Variants in COL14A1 observed in about 807,000 individuals in gnomAD.
The protein encoded by COL14A1 is collagen type XIV alpha 1 chain, also known as collagen alpha-1(XIV) chain.
COL14A1 carries 136 observed loss-of-function variants against 230.3 expected under a neutral mutation model. The observed-to-expected ratio is 0.59, with a 90% CI of 0.51 to 0.68. The LOEUF is 0.68. Among genes scored for constraint, COL14A1 ranks in the 30% least tolerant of loss-of-function variants. COL14A1 has a pLI of 0.00. For missense variants in COL14A1, 1,976 were observed against 2,215.8 expected (o/e 0.89, Z 2.17); for synonymous variants, 792 against 784.1 (o/e 1.01, Z -0.17).
intron 42 of COL14A1, among the ~76,000 whole-genome samples, chr8:120,334,026 G>C (rs1291023480): frequency 6.6e-6 from 1 of 152,200 alleles, no homozygotes; most frequent in Non-Finnish European, 1.5e-5. Context: ...ATATTCACAG[G>C]TTCTGGGGAT....
At chr8:120,330,412 A>G (rs1261222013) in intron 40 of COL14A1, among the ~76,000 whole-genome samples, 2 of 152,222 alleles carry the variant, frequency 1.3e-5, no homozygotes, top group African/African-American at 2.4e-5. Flanking sequence ...ACAGTTTCAC[A>G]TGGCTGGGGA....
chr8:120,332,080 GC>G (rs1204220959), intron 40 of COL14A1, 60 bp from the exon 41 acceptor site: 1 of 1,427,184 alleles, frequency 7.0e-7, no homozygotes, highest in African/African-American at 1.4e-5. Flanking sequence ...AACTAAATGA[GC>G]CCATTCTGAA....
chr8:120,335,819 TAG>T (rs1822042573), intron 42 of COL14A1, among the ~76,000 whole-genome samples: 2 of 152,148 alleles, frequency 1.3e-5, no homozygotes, highest in Admixed American at 6.5e-5. Flanking sequence ...CTGCAGTTGT[TAG>T]AGAGTGATAA....
At position 120,314,046 on chromosome 8, in the gene COL14A1, T is replaced by A. The variant is rs1821128840; in HGVS notation, c.4551+19T>A. On this transcript the variant is annotated intron_variant, in intron 38 of 47. Transcript: ENST00000297848. The stretch of plus-strand genomic sequence containing the variant: ...AATGCCCGTGAGTTGTGTTCAAACA[T>A]TCAGACGGGTTTTATTGTTATCTCT... 2 of 1,531,308 alleles carry A rather than the reference T, an allele frequency of 1.3e-6. No homozygotes were observed. The highest frequency in any genetic ancestry group is 4.6e-5 in the East Asian group (2 of 43,658). The allele number at this position is 1,531,308 out of a possible 1,614,324, so 94.9% of individuals were successfully genotyped here.
chr8:120,222,941 C>T (rs940822028), intron 14 of COL14A1, among the ~76,000 whole-genome samples: 1 of 152,118 alleles, frequency 6.6e-6, no homozygotes, highest in African/African-American at 2.4e-5. Context: ...AGAGAATAAC[C>T]CTACTTATAG....
rs1586868504 is a variant in COL14A1, at chr8:120,328,340, C to T, written c.4660-3801C>T. On this transcript the variant is annotated intron_variant, in intron 40 of 47. Coordinates refer to ENST00000297848, the MANE Select transcript of COL14A1 (RefSeq NM_021110.4). ...TTTCAACCTTCCGGGCTCAAGCAAT[C>T]CTCCAGAGTAGCTGGGACTACAGGC... 2.0e-5 allele frequency among the ~76,000 whole-genome samples: 3 copies of T among 152,070 alleles called. No individual in the cohort carries two copies. In the East Asian group the frequency reaches 5.8e-4, roughly 29 times the overall value.
chr8:120,283,897 A>G lies in COL14A1; in HGVS notation c.3967+119A>G, dbSNP rs1340750305. ...CTCACTAATCTTATGTGATGTGTAA[A>G]TACTAAACAATGAATTATATAGCAG... On this transcript the variant is annotated intron_variant, in intron 32 of 47. Transcript: ENST00000297848. 4 of 682,076 alleles carry G rather than the reference A, an allele frequency of 5.9e-6. No individual in the cohort carries two copies. The Admixed American group carries it at 1.4e-4, about 23-fold the overall frequency. 42.3% of individuals were successfully genotyped at this position (682,076 alleles called of 1,614,324 possible). A position where few individuals can be genotyped will look rare whatever the true frequency, so the allele number is the denominator to read the frequency against.
chr8:120,149,023 G>A (rs1019135585), intron 2 of COL14A1, among the ~76,000 whole-genome samples: 2 of 152,204 alleles, frequency 1.3e-5, no homozygotes, highest in South Asian at 4.1e-4. Context: ...CAGAAACTAT[G>A]TGTCCCGCAA....
At chr8:120,233,136 G>T (rs1330732447) in intron 19 of COL14A1, among the ~76,000 whole-genome samples, 2 of 150,502 alleles carry the variant, frequency 1.3e-5, no homozygotes, top group Non-Finnish European at 3.0e-5. Context: ...CTTGTAAATT[G>T]GTTTAAGTTC....
chr8:120,173,828 C>T (rs986279293), intron 5 of COL14A1, among the ~76,000 whole-genome samples: 2 of 152,082 alleles, frequency 1.3e-5, no homozygotes, highest in Admixed American at 6.6e-5. Context: ...TATATCTACT[C>T]ATATGGTCAA....
chr8:120,146,447 G>A (rs570712268), intron 1 of COL14A1, among the ~76,000 whole-genome samples: 1 of 151,908 alleles, frequency 6.6e-6, no homozygotes, highest in South Asian at 2.1e-4. Context: ...CTATAGTAAG[G>A]TATACCTTAA....
chr8:120,231,600 GGAA>G lies in COL14A1; in HGVS notation c.2336_2338del (p.Glu779del). On this transcript the variant is annotated inframe_deletion, in exon 19 of 48. Transcript: ENST00000297848. ...ACATGACAGCTCAAGGGGACCCTGA[GGAA>G]GAAGTCATAGGAACGGTCTGTATAA... The G allele has an allele frequency of 6.2e-7, 1 of 1,613,696 alleles. No individual in the cohort carries two copies. Among genetic ancestry groups the G allele is most frequent in the Admixed American group, 1.7e-5 (1 of 59,928 alleles).
chr8:120,250,781 C>G lies in COL14A1; in HGVS notation c.2752+15C>G. 1 of 1,613,322 alleles carries G rather than the reference C, an allele frequency of 6.2e-7. No homozygotes were observed. The highest frequency in any genetic ancestry group is 8.5e-7 in the Non-Finnish European group (1 of 1,179,868). Reference sequence around the variant, plus strand: ...GGTGAAAACATGTAAGAGCCATTTCCGATGGCCTCAGCCGCATATGGGTTT... The same window carrying G: ...GGTGAAAACATGTAAGAGCCATTTCGGATGGCCTCAGCCGCATATGGGTTT... On this transcript the variant is annotated intron_variant, in intron 22 of 47. Transcript: ENST00000297848.
At chr8:120,345,265 T>G in intron 44 of COL14A1, 110 bp from the exon 45 acceptor site, 2 of 969,584 alleles carry the variant, frequency 2.1e-6, no homozygotes, top group South Asian at 3.5e-5. Flanking sequence ...GATTTTTCCC[T>G]TGGTGGGTAT....
chr8:120,218,291 AATATATATAATATATATC>A (rs1246748867), intron 14 of COL14A1, among the ~76,000 whole-genome samples: 2 of 143,510 alleles, frequency 1.4e-5, no homozygotes, highest in African/African-American at 5.2e-5. Context: ...ATAGATATAT[AATATATATAATATATATC>A]ATATATATAT....
chr8:120,308,893 G>T (rs1284013876), intron 36 of COL14A1, among the ~76,000 whole-genome samples: 5 of 151,942 alleles, frequency 3.3e-5, no homozygotes, highest in Non-Finnish European at 7.4e-5. Context: ...CCTTTTTATC[G>T]AAGAGCGAAC....
intron 35 of COL14A1, among the ~76,000 whole-genome samples, chr8:120,298,597 T>TTTTTTATATA (rs576663862): frequency 1.2e-4 from 7 of 57,988 alleles, no homozygotes; most frequent in Non-Finnish European, 1.5e-4. Context: ...CCCATATATT[T>TTTTTTATATA]TATATATATA....
intron 1 of COL14A1, among the ~76,000 whole-genome samples, chr8:120,139,405 GGA>G (rs1209991222): frequency 6.6e-6 from 1 of 152,092 alleles, no homozygotes; most frequent in East Asian, 1.9e-4. Flanking sequence ...GCTATCATCT[GGA>G]GAATGATAAA....
At chr8:120,194,313 T>G (rs1289949867) in intron 5 of COL14A1, among the ~76,000 whole-genome samples, 1 of 152,238 alleles carries the variant, frequency 6.6e-6, no homozygotes, top group Non-Finnish European at 1.5e-5. Context: ...GATAATGTTT[T>G]CTGCATGCCA....
Sources: gnomAD v4.1 joint callset for allele counts (sites outside exome capture counted in the v4.1 genomes callset) on GRCh38, gnomAD v4.1.1 for gene constraint, MANE v1.5 for transcripts, NCBI Gene and HGNC (gene_info 2026-07-23, HGNC 2026-07-21) for gene names.